The following KCNT1 variants were observed in gnomAD, a reference collection of about 807,000 sequenced individuals.
The protein encoded by KCNT1 is potassium channel subfamily T member 1.
In KCNT1, 78 loss-of-function variants were observed where a neutral mutation model predicts 147.8. That is an observed-to-expected ratio of 0.53 (90% confidence interval 0.44 to 0.64). The LOEUF (loss-of-function observed/expected upper bound fraction) is 0.64. KCNT1 is among the 30% of genes least tolerant of loss of function. The pLI is 0.00. For missense variants in KCNT1, 1,419 were observed against 1,750.3 expected, an observed-to-expected ratio of 0.81 and a Z score of 3.38; for synonymous variants, 867 against 748.8, an observed-to-expected ratio of 1.16 and a Z score of -2.58.
chr9:135,709,058 A>T (rs142907549), intron 1 of KCNT1, among the ~76,000 whole-genome samples: 1 of 152,280 alleles, frequency 6.6e-6, no homozygotes, highest in East Asian at 1.9e-4. Flanking sequence ...TCACTTTGCA[A>T]AGCACAATGG....
In KCNT1 at chr9:135,746,052, G is replaced by A. The variant is rs150154429; in HGVS notation, c.255-4046G>A. Among the ~76,000 whole-genome samples, 75 of 152,364 alleles carry A rather than the reference G, an allele frequency of 4.9e-4. No homozygotes were observed. The South Asian group carries it at 7.5e-3, about 15-fold the overall frequency. On this transcript the variant is annotated intron_variant, in intron 2 of 30. Transcript: ENST00000371757. ...GCTGCGTGACTCGTGAAGACAGATC[G>A]CACCAGTCACCTGAAATACACTGCA...
rs1172878777 is a variant in KCNT1 at position 135,792,475 on chromosome 9, C to G, written c.*314C>G. 3 of 273,896 alleles carry G rather than the reference C, an allele frequency of 1.1e-5. No homozygotes were observed. Among genetic ancestry groups the G allele is most frequent in the Non-Finnish European group, 1.4e-5 (2 of 140,916 alleles). The allele number at this position is 273,896 out of a possible 1,614,324, so 17.0% of individuals were successfully genotyped here. A position where few individuals can be genotyped will look rare whatever the true frequency, so the allele number is the denominator to read the frequency against. On this transcript the variant is annotated 3_prime_UTR_variant, in exon 31 of 31. Coordinates refer to ENST00000371757, the MANE Select transcript of KCNT1 (RefSeq NM_020822.3). ...GGAGGGCAACGCAGGGACTGGACGC[C>G]CTACAGGGCCGAGCCCAGGCTGTGC...
intron 9 of KCNT1, 63 bp from the exon 10 acceptor site, chr9:135,758,349 CTA>C: frequency 8.2e-7 from 1 of 1,226,030 alleles, no homozygotes; most frequent in South Asian, 1.2e-5. Flanking sequence ...CTTCTAGTCT[CTA>C]TTCATTGGCT....
intron 2 of KCNT1, among the ~76,000 whole-genome samples, chr9:135,735,196 C>G (rs948795326): frequency 5.3e-5 from 8 of 152,240 alleles, no homozygotes; most frequent in African/African-American, 1.7e-4. Flanking sequence ...GGAGCGTGTG[C>G]TCAGACCACA....
Position 135,730,989 on chromosome 9 carries a change from G to GCAAAAAA in KCNT1, c.254+16269_254+16270insCAAAAAA, listed in dbSNP as rs1564327003. Among the ~76,000 whole-genome samples, 1 of 39,610 alleles carries GCAAAAAA rather than the reference G, an allele frequency of 2.5e-5. No individual in the cohort carries two copies. The highest frequency in any genetic ancestry group is 2.4e-4 in the Admixed American group (1 of 4,160). The allele number at this position is 39,610 out of a possible 152,430, so 26.0% of individuals were successfully genotyped here. A position where few individuals can be genotyped will look rare whatever the true frequency, so the allele number is the denominator to read the frequency against. On this transcript the variant is annotated intron_variant, in intron 2 of 30. Coordinates refer to ENST00000371757, the MANE Select transcript of KCNT1 (RefSeq NM_020822.3). The surrounding 1 kb of genome is among the most constrained non-coding windows in gnomAD (Gnocchi z 4.7). ...CAACAAAGTGAGATCCCGTCTCAAG[G>GCAAAAAA]TAAAAAAAAAAAAAAAAAAAAAAAG...
At chr9:135,757,614 T>G (rs1831584241) in intron 9 of KCNT1, among the ~76,000 whole-genome samples, 1 of 152,078 alleles carries the variant, frequency 6.6e-6, no homozygotes. Flanking sequence ...TTCCTAAGCC[T>G]GGAAATGAAA....
intron 29 of KCNT1, chr9:135,790,209 G>C (rs567930655): frequency 6.6e-6 from 1 of 152,394 alleles, no homozygotes; most frequent in South Asian, 2.1e-4. Context: ...GGGGGGCAGG[G>C]TCCCAAGAAC....
intron 7 of KCNT1, 29 bp downstream of exon 7, chr9:135,756,961 C>G (rs1343581607): frequency 3.8e-6 from 6 of 1,592,150 alleles, no homozygotes; most frequent in Non-Finnish European, 5.2e-6. Context: ...TGGCACCTCA[C>G]AGGGGGTCCC....
intron 1 of KCNT1, among the ~76,000 whole-genome samples, chr9:135,710,094 T>A (rs1422585147): frequency 1.3e-5 from 2 of 152,238 alleles, no homozygotes; most frequent in African/African-American, 4.8e-5. Flanking sequence ...TTCTTTCCTT[T>A]TGCCAGTGAT....
chr9:135,725,190 G>A (rs199860420), intron 2 of KCNT1, among the ~76,000 whole-genome samples: 19,723 of 149,198 alleles, frequency 0.13, 1,455 homozygotes, highest in South Asian at 0.17. Context: ...ACAGCTGCCG[G>A]GGGGGACCTC....
At chr9:135,731,599 C>T (rs1836433379) in intron 2 of KCNT1, among the ~76,000 whole-genome samples, 1 of 152,280 alleles carries the variant, frequency 6.6e-6, no homozygotes, top group South Asian at 2.1e-4. Context: ...GCCGCGTTCT[C>T]TCACGTTCCT....
At chr9:135,777,965 C>T (rs958402265) in intron 21 of KCNT1, among the ~76,000 whole-genome samples, 5 of 110,770 alleles carry the variant, frequency 4.5e-5, no homozygotes, top group Admixed American at 2.6e-4. Flanking sequence ...CTCCCAGTTC[C>T]TCTGTCTCCC....
intron 11 of KCNT1, among the ~76,000 whole-genome samples, chr9:135,760,521 T>C (rs753913776): frequency 2.0e-5 from 3 of 152,176 alleles, no homozygotes; most frequent in South Asian, 2.1e-4. Flanking sequence ...AGGAAGAGCC[T>C]GAGGAGGTGG....
intron 11 of KCNT1, among the ~76,000 whole-genome samples, chr9:135,763,060 C>G (rs368923330): frequency 1.3e-5 from 2 of 152,198 alleles, no homozygotes; most frequent in East Asian, 3.9e-4. Flanking sequence ...AAGCTCTGAG[C>G]GAGGCAGGGA....
rs543623002 is a variant in KCNT1, at chr9:135,704,024, C to G, written c.110+1656C>G. On this transcript the variant is annotated intron_variant, in intron 1 of 30. Transcript: ENST00000371757. Reference sequence around the variant, plus strand: ...AGCAGGACCTGGGCTTGGCTGGGCTCGGGAGCGGGGAGCTGAGCTCCAGGT... The same window carrying G: ...AGCAGGACCTGGGCTTGGCTGGGCTGGGGAGCGGGGAGCTGAGCTCCAGGT... Among the ~76,000 whole-genome samples, 4 of 152,338 alleles carry G rather than the reference C, an allele frequency of 2.6e-5. No homozygotes were observed. The South Asian group carries it at 8.3e-4, about 32-fold the overall frequency.
At chr9:135,778,147 C>G (rs1337725955) in intron 21 of KCNT1, among the ~76,000 whole-genome samples, 1 of 152,326 alleles carries the variant, frequency 6.6e-6, no homozygotes, top group East Asian at 1.9e-4. Context: ...TCCTGGGCAC[C>G]TTTTTGCCCA....
chr9:135,726,937 C>T (rs1343246690), intron 2 of KCNT1, among the ~76,000 whole-genome samples: 1 of 12,562 alleles, frequency 8.0e-5, no homozygotes, highest in Non-Finnish European at 1.9e-4. Context: ...CTCTCCCTCC[C>T]TCTCCCTCTC....
chr9:135,782,510 G>T (rs1219586422), intron 24 of KCNT1, among the ~76,000 whole-genome samples: 1 of 152,202 alleles, frequency 6.6e-6, no homozygotes, highest in Non-Finnish European at 1.5e-5. Context: ...CCTCTGACCG[G>T]GGGTCTCGTG....
At chr9:135,741,620 G>A (rs1830571940) in intron 2 of KCNT1, among the ~76,000 whole-genome samples, 1 of 152,194 alleles carries the variant, frequency 6.6e-6, no homozygotes, top group South Asian at 2.1e-4. Context: ...TCCCAGGGGT[G>A]TGTCCAGCTT....
Sources: allele counts gnomAD v4.1 joint callset (sites outside exome capture counted in the v4.1 genomes callset), GRCh38; gene constraint gnomAD v4.1.1; non-coding constraint Gnocchi (gnomAD v3.1); transcripts MANE v1.5; gene names NCBI Gene and HGNC (gene_info 2026-07-23, HGNC 2026-07-21).